KCNJ6: variants seen among roughly 807,000 people sequenced by gnomAD.
KCNJ6 encodes the protein potassium inwardly rectifying channel subfamily J member 6.
Under a neutral mutation model 34.2 loss-of-function variants are expected in KCNJ6, and 9 were observed. The ratio of observed to expected loss-of-function variants is 0.26; its 90% CI spans 0.16 to 0.46. The LOEUF is 0.46. KCNJ6 is among the 20% of genes least tolerant of loss of function. The pLI is 1.00. For missense variants in KCNJ6, 236 were observed against 531.3 expected (o/e 0.44, Z 5.46); for synonymous variants, 196 against 207.1 (o/e 0.95, Z 0.46).
At chr21:37,633,358 T>A (rs982946764) in intron 3 of KCNJ6, among the ~76,000 whole-genome samples, 4 of 152,142 alleles carry the variant, frequency 2.6e-5, no homozygotes, top group Non-Finnish European at 5.9e-5. Flanking sequence ...TTATTTTTGA[T>A]GATGATGATG....
chr21:37,786,321 C>G (rs2055192288), intron 2 of KCNJ6, among the ~76,000 whole-genome samples: 1 of 152,126 alleles, frequency 6.6e-6, no homozygotes, highest in South Asian at 2.1e-4. Context: ...CTCAGGTGGA[C>G]CAAGTGACAG....
intron 1 of KCNJ6, among the ~76,000 whole-genome samples, chr21:37,892,794 T>C (rs1032225260): frequency 2.0e-5 from 3 of 152,014 alleles, no homozygotes; most frequent in Non-Finnish European, 4.4e-5. Context: ...GAAATCACTA[T>C]ACAGGAGAGT....
chr21:37,716,591 C>T (rs866695926), intron 2 of KCNJ6, among the ~76,000 whole-genome samples: 1 of 151,972 alleles, frequency 6.6e-6, no homozygotes, highest in East Asian at 1.9e-4. Flanking sequence ...CTATGTTGCT[C>T]AGACTGGTCT....
intron 2 of KCNJ6, among the ~76,000 whole-genome samples, chr21:37,737,228 G>C (rs553990043): frequency 1.3e-5 from 2 of 152,172 alleles, no homozygotes; most frequent in Non-Finnish European, 2.9e-5. Context: ...ACAGGAGTAC[G>C]TCTCATTAGG....
At chr21:37,716,225 T>G (rs1442242417) in intron 2 of KCNJ6, among the ~76,000 whole-genome samples, 2 of 152,172 alleles carry the variant, frequency 1.3e-5, no homozygotes, top group Non-Finnish European at 2.9e-5. Flanking sequence ...CATTGTACTT[T>G]AATGGTTGAT....
rs1439051246 is a variant in KCNJ6 at position 37,618,132 on chromosome 21, G to C, written c.*7027C>G. ...AGCAATGCTGAGAGATGATGTCAGG[G>C]CGATGCCCGTGATGGCCGGATCTGA... On this transcript the variant is annotated 3_prime_UTR_variant, in exon 4 of 4. Transcript: ENST00000609713. The C allele has an allele frequency of 6.6e-6, 1 of 152,282 alleles. No individual in the cohort carries two copies. The highest frequency in any genetic ancestry group is 1.5e-5 in the Non-Finnish European group (1 of 68,106). The allele number at this position is 152,282 out of a possible 1,614,324, so 9.4% of individuals were successfully genotyped here. A position where few individuals can be genotyped will look rare whatever the true frequency, so the allele number is the denominator to read the frequency against.
chr21:37,782,417 C>T (rs547962170), intron 2 of KCNJ6, among the ~76,000 whole-genome samples: 12 of 152,168 alleles, frequency 7.9e-5, no homozygotes, highest in Non-Finnish European at 1.5e-4. Flanking sequence ...ACACACCCCC[C>T]TCCCTGTAAA....
chr21:37,870,108 G>A (rs2055642852), intron 1 of KCNJ6, among the ~76,000 whole-genome samples: 1 of 152,222 alleles, frequency 6.6e-6, no homozygotes, highest in African/African-American at 2.4e-5. Flanking sequence ...TTTCCTGGAA[G>A]AGGGAGACAG....
At chr21:37,841,693 T>G (rs932680565) in intron 1 of KCNJ6, among the ~76,000 whole-genome samples, 1 of 152,212 alleles carries the variant, frequency 6.6e-6, no homozygotes, top group Admixed American at 6.5e-5. Flanking sequence ...TTGAAGCAAC[T>G]TTTTCACTTA....
intron 1 of KCNJ6, among the ~76,000 whole-genome samples, chr21:37,845,928 C>T (rs1256247568): frequency 6.6e-6 from 1 of 151,992 alleles, no homozygotes; most frequent in Non-Finnish European, 1.5e-5. Context: ...CACTTAAAGT[C>T]GTATTGTTGT....
intron 3 of KCNJ6, among the ~76,000 whole-genome samples, chr21:37,672,900 T>A (rs541899768): frequency 6.6e-6 from 1 of 152,310 alleles, no homozygotes; most frequent in East Asian, 1.9e-4. Context: ...TGTCTCAGCC[T>A]CCCAAGTAGC....
Position 37,774,168 on chromosome 21 carries a change from C to A in KCNJ6, c.26-59037G>T, listed in dbSNP as rs568986158. 2.0e-5 allele frequency among the ~76,000 whole-genome samples: 3 copies of A among 152,160 alleles called. No individual in the cohort carries two copies. The East Asian group carries it at 5.8e-4, about 29-fold the overall frequency. On this transcript the variant is annotated intron_variant, in intron 2 of 3. Coordinates refer to ENST00000609713, the MANE Select transcript of KCNJ6 (RefSeq NM_002240.5). ...AGGGTTCTGGAGTCAGGTTCTGCCC[C>A]TTGCTAACTGCTCGACCTCAGGTAA...
intron 2 of KCNJ6, among the ~76,000 whole-genome samples, chr21:37,803,164 T>C (rs2835970): frequency 0.43 from 64,758 of 152,078 alleles, 15,822 homozygotes; most frequent in Non-Finnish European, 0.53. Context: ...TCCTTAGGGC[T>C]GGTTGGAAGA....
intron 2 of KCNJ6, among the ~76,000 whole-genome samples, chr21:37,774,456 G>A (rs1488593517): frequency 1.3e-5 from 2 of 151,874 alleles, no homozygotes; most frequent in African/African-American, 4.8e-5. Flanking sequence ...CCATTAACTC[G>A]ACATTTAACA....
intron 1 of KCNJ6, among the ~76,000 whole-genome samples, chr21:37,904,249 T>C (rs1457122249): frequency 6.6e-6 from 1 of 152,324 alleles, no homozygotes; most frequent in East Asian, 1.9e-4. Context: ...CTGGATCCCA[T>C]GTTCTAGCTA....
intron 1 of KCNJ6, among the ~76,000 whole-genome samples, chr21:37,907,046 T>C (rs2055845227): frequency 6.6e-6 from 1 of 152,190 alleles, no homozygotes. Context: ...ACGTTAGAGA[T>C]GTCTAAAAAT....
At chr21:37,782,319 T>C (rs997622998) in intron 2 of KCNJ6, among the ~76,000 whole-genome samples, 2 of 152,152 alleles carry the variant, frequency 1.3e-5, no homozygotes, top group Admixed American at 1.3e-4. Flanking sequence ...AGAAGCAAAA[T>C]TTTTGTTGCT....
intron 1 of KCNJ6, among the ~76,000 whole-genome samples, chr21:37,885,207 C>A (rs2055729246): frequency 2.0e-5 from 3 of 152,162 alleles, no homozygotes. Flanking sequence ...CACTTCATCA[C>A]ATAGCAGGGC....
chr21:37,661,614 GTTTTTTT>G lies in KCNJ6; in HGVS notation c.947-36137_947-36131del, dbSNP rs59026391. ...TCCACCCATTTCCTTAAGAGACATA[GTTTTTTT>G]TTTTTTTTTTTTTTTTTTTGAGACT... On this transcript the variant is annotated intron_variant, in intron 3 of 3. Coordinates refer to ENST00000609713, the MANE Select transcript of KCNJ6 (RefSeq NM_002240.5). Among the ~76,000 whole-genome samples, 531 of 71,178 alleles carry G rather than the reference GTTTTTTT, an allele frequency of 7.5e-3. 10 individuals are homozygous for G. Among genetic ancestry groups the G allele is most frequent in the African/African-American group, 0.025 (474 of 18,688 alleles). 46.7% of individuals were successfully genotyped at this position (71,178 alleles called of 152,430 possible).
Sources: allele counts gnomAD v4.1 joint callset (sites outside exome capture counted in the v4.1 genomes callset), GRCh38; gene constraint gnomAD v4.1.1; transcripts MANE v1.5; gene names NCBI Gene and HGNC (gene_info 2026-07-23, HGNC 2026-07-21).